The following STXBP5L variants were observed in gnomAD, a reference collection of about 807,000 sequenced individuals.
STXBP5L encodes the protein syntaxin binding protein 5L, also known as syntaxin-binding protein 5-like.
Under a neutral mutation model 144.5 loss-of-function variants are expected in STXBP5L, and 65 were observed. The observed-to-expected ratio is 0.45, with a 90% CI of 0.37 to 0.55. The LOEUF is 0.55. Ranked by LOEUF, STXBP5L falls within the 20% of genes least tolerant of loss-of-function variation. STXBP5L has a pLI of 0.00. For synonymous variants in STXBP5L, 505 were observed against 469.6 expected (o/e 1.08, Z -0.97); for missense variants, 1,298 against 1,405.5 (o/e 0.92, Z 1.22).
Position 120,950,501 on chromosome 3 carries a change from T to C in STXBP5L, c.190-4439T>C, listed in dbSNP as rs143238082. 9.4e-3 allele frequency among the ~76,000 whole-genome samples: 1,434 copies of C among 152,212 alleles called. 8 individuals are homozygous for C. Among genetic ancestry groups the C allele is most frequent in the Middle Eastern group, 0.02 (6 of 294 alleles). On this transcript the variant is annotated intron_variant, in intron 2 of 26. Transcript: ENST00000471454. ...CAAGATTGTTTTGTTATTATGAGTC[T>C]CTTGGATATCTATTTAAATTTTAGG...
intron 3 of STXBP5L, among the ~76,000 whole-genome samples, chr3:120,969,815 C>T (rs1339882781): frequency 6.6e-6 from 1 of 151,900 alleles, no homozygotes; most frequent in African/African-American, 2.4e-5. Flanking sequence ...AGATTATTTT[C>T]TGTTTACATT....
At chr3:120,955,641 A>G (rs1937941558) in intron 3 of STXBP5L, among the ~76,000 whole-genome samples, 1 of 152,024 alleles carries the variant, frequency 6.6e-6, no homozygotes, top group Admixed American at 6.6e-5. Flanking sequence ...AGAGATATCC[A>G]TATTCTTTCA....
intron 9 of STXBP5L, among the ~76,000 whole-genome samples, chr3:121,204,397 T>A (rs1191297): frequency 6.6e-6 from 1 of 152,106 alleles, no homozygotes; most frequent in Admixed American, 6.6e-5. Context: ...TTTATTATTT[T>A]TTTCTTCTTT....
At chr3:121,096,986 G>T (rs369798075) in intron 5 of STXBP5L, among the ~76,000 whole-genome samples, 25 of 152,320 alleles carry the variant, frequency 1.6e-4, no homozygotes, top group Middle Eastern at 6.8e-3. Context: ...GGACATGGGG[G>T]TTTTGTCTAT....
intron 5 of STXBP5L, among the ~76,000 whole-genome samples, chr3:121,093,149 T>G (rs555762436): frequency 6.6e-6 from 1 of 152,362 alleles, no homozygotes; most frequent in East Asian, 1.9e-4. Flanking sequence ...AGAAGCTTTT[T>G]AATGTGCTGC....
chr3:121,092,779 A>T (rs1244139674), intron 5 of STXBP5L, among the ~76,000 whole-genome samples: 1 of 152,146 alleles, frequency 6.6e-6, no homozygotes, highest in African/African-American at 2.4e-5. Flanking sequence ...CTCCTGTCTA[A>T]TTGCCCTGGC....
chr3:121,000,975 C>T (rs1943725702), intron 3 of STXBP5L, among the ~76,000 whole-genome samples: 1 of 152,108 alleles, frequency 6.6e-6, no homozygotes, highest in African/African-American at 2.4e-5. Flanking sequence ...CAAAGTTAAC[C>T]ATTTGATGTA....
chr3:121,404,761 T>A (rs1453039417), intron 22 of STXBP5L, among the ~76,000 whole-genome samples: 1 of 152,190 alleles, frequency 6.6e-6, no homozygotes, highest in Non-Finnish European at 1.5e-5. Context: ...ACAACAGTCA[T>A]AGAATATCAG....
chr3:121,060,415 A>T lies in STXBP5L; in HGVS notation c.470+14880A>T, dbSNP rs774799780. On this transcript the variant is annotated intron_variant, in intron 5 of 26. Coordinates refer to ENST00000471454, the MANE Select transcript of STXBP5L (RefSeq NM_001308330.2). ...ATTTTCACATCGATATTCATCAGGG[A>T]TATTGGCCTGAAATTTTCCTTGTTT... is the stretch of plus-strand genomic sequence containing the variant. 5.5e-4 allele frequency among the ~76,000 whole-genome samples: 84 copies of T among 152,114 alleles called. 1 individual carries two copies. The highest frequency in any genetic ancestry group is 3.3e-4 in the Admixed American group (5 of 15,256).
intron 10 of STXBP5L, among the ~76,000 whole-genome samples, chr3:121,211,663 C>G (rs571199128): frequency 5.5e-5 from 8 of 146,136 alleles, no homozygotes; most frequent in African/African-American, 2.0e-4. Context: ...ACTGCAACCT[C>G]TGCCTCCGGG....
At chr3:121,326,302 G>A (rs2044145895) in intron 20 of STXBP5L, among the ~76,000 whole-genome samples, 1 of 151,986 alleles carries the variant, frequency 6.6e-6, no homozygotes, top group African/African-American at 2.4e-5. Context: ...TTAGAGATAT[G>A]TAGGCTTTTT....
chr3:121,135,020 CAACA>C (rs2045181067), intron 7 of STXBP5L, among the ~76,000 whole-genome samples: 1 of 152,174 alleles, frequency 6.6e-6, no homozygotes, highest in African/African-American at 2.4e-5. Context: ...ACAGTCCCAC[CAACA>C]GTGTAAAAGT....
rs372644712 is a variant in STXBP5L, at chr3:121,378,851, C to G, written c.2312C>G (p.Ala771Gly). ...CCATTTCGAAAGGCCCAGTCAGCAG[C>G]CTGCATGGAGATTTCTTTACCAGTT... The part of the protein sequence containing the change: ...RPPFRKAQSA[A>G]CMEISLPVTT... The change falls in exon 21 of 27, where the codon GCC becomes GGC. Residue 771 changes from alanine (A) to glycine (G), a missense_variant. By Grantham distance (60) the Ala-to-Gly change is moderately conservative. Coordinates refer to ENST00000471454, the MANE Select transcript of STXBP5L (RefSeq NM_001308330.2). 1.5e-4 allele frequency: 236 copies of G among 1,613,436 alleles called. No homozygotes were observed. The highest frequency in any genetic ancestry group is 1.8e-4 in the Non-Finnish European group (214 of 1,179,750).
chr3:121,413,223 G>A lies in STXBP5L; in HGVS notation c.3014G>A (p.Arg1005Gln), dbSNP rs372264577. The A allele has an allele frequency of 3.7e-6, 6 of 1,610,446 alleles. No individual in the cohort carries two copies. The highest frequency in any genetic ancestry group is 2.2e-5 in the East Asian group (1 of 44,602). The part of the protein sequence containing the change: ...YLPLTDMRIA[R>Q]TFCFTNEGQA... ...CCACTGACAGACATGAGGATAGCAC[G>A]AACATTTTGTTTTACCAATGAAGGA... The change falls in exon 24 of 27, where the codon CGA (arginine) becomes CAA (glutamine). Residue 1005 changes from arginine to glutamine, a missense_variant. Physicochemically the swap from Arg to Gln is conservative, Grantham distance 43 (BLOSUM62 1). Transcript: ENST00000471454.
intron 9 of STXBP5L, among the ~76,000 whole-genome samples, chr3:121,200,316 A>G (rs1163652195): frequency 6.6e-6 from 1 of 152,108 alleles, no homozygotes; most frequent in African/African-American, 2.4e-5. Flanking sequence ...TTTCTATGTG[A>G]TCAGTGGTGA....
intron 3 of STXBP5L, among the ~76,000 whole-genome samples, chr3:120,963,657 T>G (rs1036459415): frequency 8.5e-5 from 13 of 152,210 alleles, no homozygotes; most frequent in Non-Finnish European, 1.6e-4. Flanking sequence ...TTTGATGTGC[T>G]GCTGGATTTG....
intron 5 of STXBP5L, among the ~76,000 whole-genome samples, chr3:121,090,138 C>G (rs1052964460): frequency 1.3e-5 from 2 of 152,070 alleles, no homozygotes; most frequent in Non-Finnish European, 2.9e-5. Context: ...TAAATTAAAA[C>G]CTGGACATTC....
chr3:121,032,025 A>G (rs1169396789), intron 3 of STXBP5L, among the ~76,000 whole-genome samples: 3 of 152,158 alleles, frequency 2.0e-5, no homozygotes, highest in Admixed American at 1.3e-4. Flanking sequence ...ACATGCAAGT[A>G]GAGTGATCTA....
At chr3:121,317,204 A>G (rs1332809211) in intron 19 of STXBP5L, among the ~76,000 whole-genome samples, 2 of 152,234 alleles carry the variant, frequency 1.3e-5, no homozygotes, top group African/African-American at 4.8e-5. Context: ...AGTCTTGAAA[A>G]TAATGTTCAA....
Sources: gnomAD v4.1 joint callset for allele counts (sites outside exome capture counted in the v4.1 genomes callset) on GRCh38, gnomAD v4.1.1 for gene constraint, MANE v1.5 for transcripts, NCBI Gene and HGNC (gene_info 2026-07-23, HGNC 2026-07-21) for gene names.